The following POMK variants were observed in gnomAD, a reference collection of about 807,000 sequenced individuals.
The protein encoded by POMK is protein O-mannose kinase, also known as Sugen kinase 196.
Under a neutral mutation model 23.0 loss-of-function variants are expected in POMK, and 19 were observed. The ratio of observed to expected loss-of-function variants is 0.83; its 90% CI spans 0.58 to 1.21. The LOEUF (loss-of-function observed/expected upper bound fraction) is 1.21. Among genes scored for constraint, POMK ranks in the 50% most tolerant of loss-of-function variants. The pLI is 0.00. For missense variants in POMK, 410 were observed against 431.3 expected (o/e 0.95, Z 0.44); for synonymous variants, 173 against 171.6 (o/e 1.01, Z -0.06).
chr8:43,111,755 C>T lies in POMK; in HGVS notation c.282+7925C>T, dbSNP rs192329305. Among the ~76,000 whole-genome samples, 1,440 of 152,334 alleles carry T rather than the reference C, an allele frequency of 9.5e-3. 23 individuals are homozygous for T. Among genetic ancestry groups the T allele is most frequent in the African/African-American group, 0.032 (1,347 of 41,556 alleles). The stretch of plus-strand genomic sequence containing the variant: ...AGGAACGATCGGGCAGCAGCATTTG[C>T]GGTTCACCAATATCTGCTGTTCTGC... On this transcript the variant is annotated intron_variant, in intron 4 of 4. Coordinates refer to ENST00000331373, the MANE Select transcript of POMK (RefSeq NM_032237.5).
chr8:43,099,926 AGT>A (rs1811404574), intron 2 of POMK, among the ~76,000 whole-genome samples: 1 of 152,088 alleles, frequency 6.6e-6, no homozygotes, highest in African/African-American at 2.4e-5. Context: ...GGAGAAGGAG[AGT>A]GTGAGCTTCC....
In POMK at chr8:43,122,106, G is replaced by A. The variant is rs888740179; in HGVS notation, c.283-1G>A. On this transcript the variant is annotated splice_acceptor_variant, in intron 4 of 4. Transcript: ENST00000331373. LOFTEE classifies it high-confidence loss of function. ...TGATGCTCTCTATGGCTTTGTTGCA[G>A]GTCTTTCTGTCTGAGTGGAAGGAGC... The A allele has an allele frequency of 6.2e-7, 1 of 1,613,402 alleles. No homozygotes were observed. Among genetic ancestry groups the A allele is most frequent in the Non-Finnish European group, 8.5e-7 (1 of 1,179,684 alleles).
intron 4 of POMK, among the ~76,000 whole-genome samples, chr8:43,119,484 G>A (rs1389201696): frequency 7.5e-6 from 1 of 133,182 alleles, no homozygotes; most frequent in Non-Finnish European, 1.5e-5. Flanking sequence ...CCAGGCTGGT[G>A]TGCAGTGGTG....
At position 43,123,074 on chromosome 8, in the gene POMK, T is replaced by A; in HGVS notation, c.*197T>A. ...GTTGTTAGATTTTTTTTTTTTTCTT[T>A]GAGATGCGGTCTTGCTCTGTTGCTG... On this transcript the variant is annotated 3_prime_UTR_variant, in exon 5 of 5. Coordinates refer to ENST00000331373, the MANE Select transcript of POMK (RefSeq NM_032237.5). 1 of 563,128 alleles carries A rather than the reference T, an allele frequency of 1.8e-6. No homozygotes were observed. Among genetic ancestry groups the A allele is most frequent in the South Asian group, 2.2e-5 (1 of 45,488 alleles). 34.9% of individuals were successfully genotyped at this position (563,128 alleles called of 1,614,324 possible). A position where few individuals can be genotyped will look rare whatever the true frequency, so the allele number is the denominator to read the frequency against.
At chr8:43,094,284 G>A (rs1174917465) in intron 1 of POMK, among the ~76,000 whole-genome samples, 2 of 152,038 alleles carry the variant, frequency 1.3e-5, no homozygotes, top group African/African-American at 4.8e-5. Context: ...TGATCCGCCC[G>A]CCTCTGCCTC....
intron 4 of POMK, among the ~76,000 whole-genome samples, chr8:43,112,748 G>C (rs1465293039): frequency 1.3e-5 from 2 of 152,180 alleles, no homozygotes; most frequent in African/African-American, 4.8e-5. Flanking sequence ...GAAGAGAGTG[G>C]GGGCCAATAT....
Position 43,122,925 on chromosome 8 carries a change from T to TA in POMK, c.*49dup. ...TGGGATTGAAGGGCTGAATGGAAGT[T>TA]ACAGCATTCTACTCTGATGGTGGAG... On this transcript the variant is annotated 3_prime_UTR_variant, in exon 5 of 5. Coordinates refer to ENST00000331373, the MANE Select transcript of POMK (RefSeq NM_032237.5). The TA allele has an allele frequency of 6.7e-7, 1 of 1,488,656 alleles. No homozygotes were observed. The highest frequency in any genetic ancestry group is 1.3e-5 in the South Asian group (1 of 78,966). 92.2% of individuals were successfully genotyped at this position (1,488,656 alleles called of 1,614,324 possible). A position where few individuals can be genotyped will look rare whatever the true frequency, so the allele number is the denominator to read the frequency against.
At position 43,103,797 on chromosome 8, in the gene POMK, G is replaced by A. The variant is rs1334669145; in HGVS notation, c.249G>A (p.Gln83=). Residue 83 remains glutamine, a synonymous_variant, in exon 4 of 5, where the codon CAG becomes CAA. Coordinates refer to ENST00000331373, the MANE Select transcript of POMK (RefSeq NM_032237.5). ...SCEELRTEVR[Q]LKRVGEGAVK... is the part of the protein sequence containing the mutation. Reference sequence around the variant, plus strand: ...AGGAGCTGAGAACAGAAGTGAGACAGCTGAAGCGTGTTGGGGAAGGAGCTG... The same window carrying A: ...AGGAGCTGAGAACAGAAGTGAGACAACTGAAGCGTGTTGGGGAAGGAGCTG... 1 of 1,614,274 alleles carries A rather than the reference G, an allele frequency of 6.2e-7. No homozygotes were observed. The highest frequency in any genetic ancestry group is 1.7e-5 in the Admixed American group (1 of 60,024).
At chr8:43,106,889 A>C (rs551977258) in intron 4 of POMK, among the ~76,000 whole-genome samples, 13 of 152,288 alleles carry the variant, frequency 8.5e-5, no homozygotes, top group Admixed American at 1.3e-4. Flanking sequence ...GAAGATGGAA[A>C]AAGGCCATTG....
intron 4 of POMK, among the ~76,000 whole-genome samples, chr8:43,107,033 T>G (rs1394332902): frequency 1.3e-5 from 2 of 152,166 alleles, no homozygotes; most frequent in East Asian, 3.9e-4. Flanking sequence ...AAGGCTTTCG[T>G]GACAAAGGCA....
intron 4 of POMK, among the ~76,000 whole-genome samples, chr8:43,108,271 A>T (rs1390166595): frequency 1.3e-5 from 2 of 152,216 alleles, no homozygotes; most frequent in Admixed American, 6.5e-5. Flanking sequence ...TGGCTTTACA[A>T]GTACAAGTCA....
chr8:43,100,808 G>A (rs1405000453), intron 2 of POMK, among the ~76,000 whole-genome samples: 1 of 151,972 alleles, frequency 6.6e-6, no homozygotes. Context: ...TGCGGGAAGG[G>A]TCTTGGTACC....
At chr8:43,112,583 G>C (rs1016069225) in intron 4 of POMK, among the ~76,000 whole-genome samples, 1 of 152,018 alleles carries the variant, frequency 6.6e-6, no homozygotes, top group Admixed American at 6.6e-5. Context: ...GATACTCCTC[G>C]AGAAGAGCAA....
chr8:43,122,762 G>A lies in POMK; in HGVS notation c.938G>A (p.Cys313Tyr), dbSNP rs1379242958. Reference sequence around the variant, plus strand: ...CATTTGTTTGATATTCACAAAGCATGCAAGAGCCAGACTCCCTCAGAAAGA... The same window carrying A: ...CATTTGTTTGATATTCACAAAGCATACAAGAGCCAGACTCCCTCAGAAAGA... ...RFHLFDIHKACKSQTPSERPT... is the reference protein window; with the variant it reads ...RFHLFDIHKAYKSQTPSERPT... Residue 313 changes from cysteine (C) to tyrosine (Y), a missense_variant, in exon 5 of 5, where the codon TGC (cysteine) becomes TAC (tyrosine). Coordinates refer to ENST00000331373, the MANE Select transcript of POMK (RefSeq NM_032237.5). The A allele has an allele frequency of 4.3e-6, 7 of 1,614,070 alleles. No individual in the cohort carries two copies. The African/African-American group carries it at 8.0e-5, about 18-fold the overall frequency.
At chr8:43,103,910 C>T in intron 4 of POMK, 80 bp downstream of exon 4, 1 of 1,393,574 alleles carries the variant, frequency 7.2e-7, no homozygotes, top group Admixed American at 1.9e-5. Context: ...TCCATGCTGG[C>T]ACGGATTACG....
chr8:43,114,970 G>A (rs1315490813), intron 4 of POMK, among the ~76,000 whole-genome samples: 1 of 152,152 alleles, frequency 6.6e-6, no homozygotes, highest in Non-Finnish European at 1.5e-5. Flanking sequence ...ATGACTTATT[G>A]AAGGGCCTGT....
At chr8:43,111,228 C>G (rs1313318820) in intron 4 of POMK, among the ~76,000 whole-genome samples, 1 of 152,188 alleles carries the variant, frequency 6.6e-6, no homozygotes, top group East Asian at 1.9e-4. Context: ...CACCCTAATA[C>G]TGCACTTTTC....
At chr8:43,113,380 C>T (rs1430544544) in intron 4 of POMK, among the ~76,000 whole-genome samples, 1 of 152,182 alleles carries the variant, frequency 6.6e-6, no homozygotes, top group East Asian at 1.9e-4. Flanking sequence ...ATCACTGATA[C>T]CCTTTCTTCC....
At position 43,103,738 on chromosome 8, in the gene POMK, CAG is replaced by C. The variant is rs1173244077; in HGVS notation, c.192_193del (p.Gln64HisfsTer35). 1.2e-6 allele frequency: 2 copies of C among 1,614,074 alleles called. No individual in the cohort carries two copies. The highest frequency in any genetic ancestry group is 2.7e-5 in the African/African-American group (2 of 74,928). ...HCPYGHFRIG[Q>X]MKNCSPWLSC... is the part of the protein sequence containing the mutation. ...TCCCTATGGTCACTTCAGGATAGGACAGATGAAAAACTGCTCACCTTGGCTGT... is the reference window on the plus strand; with the variant it reads ...TCCCTATGGTCACTTCAGGATAGGACATGAAAAACTGCTCACCTTGGCTGT... On this transcript the variant is annotated frameshift_variant, in exon 4 of 5. Transcript: ENST00000331373. LOFTEE classifies it high-confidence loss of function.
Sources: gnomAD v4.1 joint callset for allele counts (sites outside exome capture counted in the v4.1 genomes callset) on GRCh38, gnomAD v4.1.1 for gene constraint, MANE v1.5 for transcripts, NCBI Gene and HGNC (gene_info 2026-07-23, HGNC 2026-07-21) for gene names.